BACE2: variants seen among roughly 807,000 people sequenced by gnomAD.
BACE2 encodes the protein 56 kDa aspartic-like protease.
A neutral mutation model predicts 46.2 loss-of-function variants in BACE2; 17 were observed. That is an observed-to-expected ratio of 0.37 (90% CI 0.25 to 0.55). The LOEUF (loss-of-function observed/expected upper bound fraction) is 0.55. Ranked by LOEUF, BACE2 falls within the 20% of genes least tolerant of loss-of-function variation. The pLI, the probability that BACE2 is intolerant of heterozygous loss-of-function variation, is 0.82. For missense variants in BACE2, 595 were observed against 698.1 expected, an observed-to-expected ratio of 0.85 and a Z score of 1.66; for synonymous variants, 277 against 295.9, an observed-to-expected ratio of 0.94 and a Z score of 0.66.
At chr21:41,221,155 A>C (rs1021557471) in intron 1 of BACE2, among the ~76,000 whole-genome samples, 2 of 152,050 alleles carry the variant, frequency 1.3e-5, no homozygotes, top group African/African-American at 4.8e-5. Context: ...TTTTGTGAAC[A>C]TGATCTTCAT....
chr21:41,217,088 C>T (rs1014492628), intron 1 of BACE2, among the ~76,000 whole-genome samples: 12 of 152,128 alleles, frequency 7.9e-5, no homozygotes, highest in Non-Finnish European at 1.5e-4. Flanking sequence ...TGTGCCACCA[C>T]GCCAGGCTAA....
chr21:41,176,348 C>G (rs1601239076), intron 1 of BACE2: 1 of 152,250 alleles, frequency 6.6e-6, no homozygotes, highest in African/African-American at 2.4e-5. Context: ...GCCGATGGTT[C>G]CTGGAAAGAG....
intron 2 of BACE2, among the ~76,000 whole-genome samples, chr21:41,234,491 C>T (rs1045692356): frequency 5.3e-5 from 8 of 152,168 alleles, no homozygotes; most frequent in African/African-American, 1.9e-4. Flanking sequence ...TTCCACATTA[C>T]GTTTGAGAGC....
chr21:41,224,078 C>T (rs1016935186), intron 1 of BACE2, among the ~76,000 whole-genome samples: 10 of 152,158 alleles, frequency 6.6e-5, no homozygotes, highest in African/African-American at 2.4e-4. Context: ...GAAGAGGGAG[C>T]GAGACTGAGT....
At chr21:41,238,930 G>A (rs1364767631) in intron 3 of BACE2, among the ~76,000 whole-genome samples, 4 of 125,852 alleles carry the variant, frequency 3.2e-5, no homozygotes, top group Admixed American at 9.7e-5. Context: ...ATGTGCACAT[G>A]TACCCTAAAA....
chr21:41,226,658 G>T (rs1986828007), intron 2 of BACE2, among the ~76,000 whole-genome samples: 1 of 152,164 alleles, frequency 6.6e-6, no homozygotes, highest in African/African-American at 2.4e-5. Flanking sequence ...GTGGCCCTTT[G>T]GTGTTTATTG....
At chr21:41,169,486 C>G (rs73222239) in intron 1 of BACE2, among the ~76,000 whole-genome samples, 1 of 150,978 alleles carries the variant, frequency 6.6e-6, no homozygotes, top group African/African-American at 2.4e-5. Context: ...GATCTGCCCC[C>G]TCCTACTTTC....
chr21:41,244,076 T>C (rs1004987515), intron 5 of BACE2, among the ~76,000 whole-genome samples: 2 of 152,108 alleles, frequency 1.3e-5, no homozygotes, highest in African/African-American at 4.8e-5. Context: ...TCTCACTGAG[T>C]TCTGGCTTGT....
At chr21:41,186,950 C>T (rs1177742216) in intron 1 of BACE2, among the ~76,000 whole-genome samples, 1 of 152,210 alleles carries the variant, frequency 6.6e-6, no homozygotes, top group African/African-American at 2.4e-5. Flanking sequence ...GCCATGGAAA[C>T]GGTAAACCGA....
intron 8 of BACE2, among the ~76,000 whole-genome samples, chr21:41,271,400 T>C (rs1043137478): frequency 2.0e-5 from 3 of 152,202 alleles, no homozygotes; most frequent in Non-Finnish European, 4.4e-5. Flanking sequence ...AGAAAGAAGC[T>C]AACCTAAAAA....
intron 1 of BACE2, among the ~76,000 whole-genome samples, chr21:41,207,388 GA>G (rs1986161890): frequency 1.3e-5 from 2 of 152,154 alleles, no homozygotes; most frequent in Admixed American, 1.3e-4. Context: ...GGTTGAGTGT[GA>G]ATTTTCTCTT....
In BACE2 at chr21:41,278,394, C is replaced by T. The variant is rs1372386844; in HGVS notation, c.*2770C>T. 2.0e-5 allele frequency: 3 copies of T among 152,170 alleles called. No homozygotes were observed. 9.4% of individuals were successfully genotyped at this position (152,170 alleles called of 1,614,324 possible). A position where few individuals can be genotyped will look rare whatever the true frequency, so the allele number is the denominator to read the frequency against. ...CACAAGTGATTGGTGTCCGATCTCCCAGCATATACTGTACACTATTTTGTA... is the reference window on the plus strand; with the variant it reads ...CACAAGTGATTGGTGTCCGATCTCCTAGCATATACTGTACACTATTTTGTA... On this transcript the variant is annotated 3_prime_UTR_variant, in exon 9 of 9. Transcript: ENST00000330333.
chr21:41,222,720 G>A (rs936287876), intron 1 of BACE2, among the ~76,000 whole-genome samples: 9 of 152,256 alleles, frequency 5.9e-5, no homozygotes, highest in Admixed American at 1.3e-4. Flanking sequence ...AGGGACACCA[G>A]TGAGGACGAG....
Position 41,255,484 on chromosome 21 carries a change from C to T in BACE2, c.1135-1674C>T, listed in dbSNP as rs1306657834. Among the ~76,000 whole-genome samples the T allele has an allele frequency of 2.0e-5, 3 of 152,310 alleles. No homozygotes were observed. In the East Asian group the frequency reaches 5.8e-4, roughly 29 times the overall value. On this transcript the variant is annotated intron_variant, in intron 7 of 8. Transcript: ENST00000330333. ...GAGAAGAATGCAGCCCTCTTAGAGT[C>T]CAAGTGAAGAAAGCGTCCACACGGA... is the stretch of plus-strand genomic sequence containing the variant.
chr21:41,281,342 A>G lies in BACE2; in HGVS notation c.*5718A>G, dbSNP rs1156852772. 1.3e-5 allele frequency: 2 copies of G among 152,258 alleles called. No individual in the cohort carries two copies. The highest frequency in any genetic ancestry group is 2.9e-5 in the Non-Finnish European group (2 of 68,046). 9.4% of individuals were successfully genotyped at this position (152,258 alleles called of 1,614,324 possible). On this transcript the variant is annotated 3_prime_UTR_variant, in exon 9 of 9. Coordinates refer to ENST00000330333, the MANE Select transcript of BACE2 (RefSeq NM_012105.5). ...CACAGCTGTCACTTTCGTGGTATCA[A>G]TAAAAGGCTAGAAACCTTGGGTGTC...
intron 1 of BACE2, chr21:41,181,830 T>G (rs867195898): frequency 1.6e-4 from 26 of 167,188 alleles, no homozygotes; most frequent in African/African-American, 6.0e-4. Flanking sequence ...TGAAACTGTC[T>G]ATCCTGGGGG....
In BACE2 at chr21:41,275,144, G is replaced by A. The variant is rs2297274; in HGVS notation, c.1304-227G>A. Reference sequence around the variant, plus strand: ...GCAGTTCCCCTCCACACCTAGGCTCGGTACCCACACACCTTAAAACATGCC... The same window carrying A: ...GCAGTTCCCCTCCACACCTAGGCTCAGTACCCACACACCTTAAAACATGCC... On this transcript the variant is annotated intron_variant, in intron 8 of 8. Coordinates refer to ENST00000330333, the MANE Select transcript of BACE2 (RefSeq NM_012105.5). 4.6e-4 allele frequency among the ~76,000 whole-genome samples: 70 copies of A among 152,192 alleles called. No homozygotes were observed. The East Asian group carries it at 8.5e-3, about 19-fold the overall frequency.
At chr21:41,219,363 T>C (rs1986569637) in intron 1 of BACE2, among the ~76,000 whole-genome samples, 1 of 152,140 alleles carries the variant, frequency 6.6e-6, no homozygotes, top group Non-Finnish European at 1.5e-5. Context: ...ATGAAAAGAA[T>C]AAAAGAAGAA....
At chr21:41,275,275 C>T (rs756207256) in intron 8 of BACE2, 96 bp from the exon 9 acceptor site, 30 of 1,544,988 alleles carry the variant, frequency 1.9e-5, no homozygotes, top group Non-Finnish European at 2.6e-5. Flanking sequence ...TGGACTTTAA[C>T]TGTGGTTTAA....
Sources: allele counts gnomAD v4.1 joint callset (sites outside exome capture counted in the v4.1 genomes callset), GRCh38; gene constraint gnomAD v4.1.1; transcripts MANE v1.5; gene names NCBI Gene and HGNC (gene_info 2026-07-23, HGNC 2026-07-21).